The following SEMA5B variants were observed in gnomAD, a reference collection of about 807,000 sequenced individuals.
SEMA5B encodes semaphorin 5B.
A neutral mutation model predicts 135.0 loss-of-function variants in SEMA5B; 66 were observed. The observed-to-expected ratio is 0.49, with a 90% CI of 0.40 to 0.60. SEMA5B has a LOEUF of 0.60. Among genes scored for constraint, SEMA5B ranks in the 20% least tolerant of loss-of-function variants. The pLI is 0.00. For synonymous variants in SEMA5B, 690 were observed against 639.5 expected, an observed-to-expected ratio of 1.08 and a Z score of -1.19; for missense variants, 1,501 against 1,566.3, an observed-to-expected ratio of 0.96 and a Z score of 0.70.
At chr3:122,960,988 C>A in intron 2 of SEMA5B, 152 bp downstream of exon 2, 1 of 788,560 alleles carries the variant, frequency 1.3e-6, no homozygotes, top group Non-Finnish European at 1.9e-6. Flanking sequence ...TATATGTTAC[C>A]ACAATTTTTA....
chr3:122,976,468 C>A (rs1941324034), intron 1 of SEMA5B, among the ~76,000 whole-genome samples: 1 of 152,178 alleles, frequency 6.6e-6, no homozygotes, highest in Non-Finnish European at 1.5e-5. Flanking sequence ...GCTGGTTGGG[C>A]CTCACCTGCA....
chr3:122,971,822 C>T (rs983228678), intron 1 of SEMA5B, among the ~76,000 whole-genome samples: 5 of 152,228 alleles, frequency 3.3e-5, no homozygotes, highest in African/African-American at 1.2e-4. Context: ...CACTCCTGAA[C>T]TCGTCAATAG....
intron 1 of SEMA5B, among the ~76,000 whole-genome samples, chr3:122,985,497 T>TAAA (rs201770626): frequency 3.5e-5 from 5 of 142,320 alleles, no homozygotes; most frequent in Non-Finnish European, 7.7e-5. Flanking sequence ...CAGTGTCTCT[T>TAAA]AAAAAAAAAA....
At chr3:122,993,671 CAG>C in intron 1 of SEMA5B, among the ~76,000 whole-genome samples, 1 of 152,172 alleles carries the variant, frequency 6.6e-6, no homozygotes, top group South Asian at 2.1e-4. Context: ...GGTTTGGAGA[CAG>C]GGGGATGGGC....
At chr3:122,950,797 T>C (rs1940012199) in intron 2 of SEMA5B, among the ~76,000 whole-genome samples, 1 of 152,250 alleles carries the variant, frequency 6.6e-6, no homozygotes, top group South Asian at 2.1e-4. Context: ...TTGTTCATTG[T>C]GCCATCCTTT....
At chr3:122,972,980 C>A (rs1199993864) in intron 1 of SEMA5B, among the ~76,000 whole-genome samples, 1 of 152,196 alleles carries the variant, frequency 6.6e-6, no homozygotes, top group Non-Finnish European at 1.5e-5. Context: ...AGGTCCCCAG[C>A]CACTGGGAGC....
chr3:122,981,371 G>A (rs952730962), intron 1 of SEMA5B, among the ~76,000 whole-genome samples: 4 of 152,244 alleles, frequency 2.6e-5, no homozygotes, highest in African/African-American at 4.8e-5. Context: ...GCTGCTCCAT[G>A]TTCCACAAGG....
At chr3:122,943,400 T>C (rs772689968) in intron 4 of SEMA5B, 36 bp downstream of exon 4, 3 of 1,447,644 alleles carry the variant, frequency 2.1e-6, no homozygotes, top group Non-Finnish European at 2.9e-6. Context: ...TCCAAGCCCC[T>C]GCACTTCCCA....
chr3:123,010,162 G>A (rs1318318911), intron 1 of SEMA5B, among the ~76,000 whole-genome samples: 1 of 152,166 alleles, frequency 6.6e-6, no homozygotes. Flanking sequence ...GAACCCCAGG[G>A]CTCAGGGCCA....
intron 5 of SEMA5B, among the ~76,000 whole-genome samples, chr3:122,933,292 C>A (rs1686817576): frequency 6.6e-6 from 1 of 152,066 alleles, no homozygotes; most frequent in African/African-American, 2.4e-5. Flanking sequence ...TTTTCAAATT[C>A]TTGCATGTCT....
chr3:122,985,641 C>T (rs1027812495), intron 1 of SEMA5B, among the ~76,000 whole-genome samples: 2 of 152,138 alleles, frequency 1.3e-5, no homozygotes, highest in Admixed American at 1.3e-4. Context: ...GATAGATCTA[C>T]CCCCAGAAAG....
chr3:122,932,249 T>TC (rs2107667832), intron 5 of SEMA5B, among the ~76,000 whole-genome samples: 2 of 81,962 alleles, frequency 2.4e-5, no homozygotes, highest in East Asian at 5.3e-4. Context: ...TATGATTTTT[T>TC]TTTTTTTTTT....
At position 122,910,091 on chromosome 3, in the gene SEMA5B, T is replaced by A; in HGVS notation, c.*52A>T. 6.3e-7 allele frequency: 1 copy of A among 1,589,456 alleles called. No individual in the cohort carries two copies. The highest frequency in any genetic ancestry group is 8.6e-7 in the Non-Finnish European group (1 of 1,167,544). On this transcript the variant is annotated 3_prime_UTR_variant, in exon 23 of 23. Coordinates refer to ENST00000357599, the MANE Select transcript of SEMA5B (RefSeq NM_001031702.4). Reference sequence around the variant, plus strand: ...AACTGGCTCCACTGTCCCATCTCCATCTGCTCTGTGCCTTATGAAGGCAAG... The same window carrying A: ...AACTGGCTCCACTGTCCCATCTCCAACTGCTCTGTGCCTTATGAAGGCAAG...
At chr3:122,970,938 G>A (rs971145058) in intron 1 of SEMA5B, among the ~76,000 whole-genome samples, 1 of 152,242 alleles carries the variant, frequency 6.6e-6, no homozygotes, top group Non-Finnish European at 1.5e-5. Flanking sequence ...ACCCTTCTAA[G>A]TTTGTCCATC....
chr3:122,933,508 C>G (rs1332555283), intron 5 of SEMA5B, among the ~76,000 whole-genome samples: 1 of 152,114 alleles, frequency 6.6e-6, no homozygotes, highest in Non-Finnish European at 1.5e-5. Context: ...ATAACAGTGT[C>G]CTGAATTTCA....
rs559624064 is a variant in SEMA5B, at chr3:123,017,178, G to A, written c.-39+10286C>T. Among the ~76,000 whole-genome samples the A allele has an allele frequency of 6.6e-5, 10 of 152,048 alleles. No homozygotes were observed. In the East Asian group the frequency reaches 1.2e-3, roughly 18 times the overall value. ...GCTGGGATTACAGGCATGAGCCCCC[G>A]CGCCTGGCCCAGATGCATTTTTTAA... On this transcript the variant is annotated intron_variant, in intron 1 of 22. Transcript: ENST00000357599.
chr3:122,909,446 C>G lies in SEMA5B; in HGVS notation c.*697G>C, dbSNP rs770923751. 3 of 152,788 alleles carry G rather than the reference C, an allele frequency of 2.0e-5. No individual in the cohort carries two copies. The highest frequency in any genetic ancestry group is 2.9e-5 in the Non-Finnish European group (2 of 68,154). 9.5% of individuals were successfully genotyped at this position (152,788 alleles called of 1,614,324 possible). A position where few individuals can be genotyped will look rare whatever the true frequency, so the allele number is the denominator to read the frequency against. On this transcript the variant is annotated 3_prime_UTR_variant, in exon 23 of 23. Coordinates refer to ENST00000357599, the MANE Select transcript of SEMA5B (RefSeq NM_001031702.4). Reference sequence around the variant, plus strand: ...GCATTGATCCTCTCTCCTGGGCCACCTTTCGTGCATTGAGGGCAAGGCTGA... The same window carrying G: ...GCATTGATCCTCTCTCCTGGGCCACGTTTCGTGCATTGAGGGCAAGGCTGA...
chr3:122,961,617 C>A (rs946294574), intron 1 of SEMA5B, among the ~76,000 whole-genome samples: 1 of 151,988 alleles, frequency 6.6e-6, no homozygotes, highest in African/African-American at 2.4e-5. Context: ...CACCACCATA[C>A]CTGGCTAATT....
chr3:122,985,950 A>G (rs1354646837), intron 1 of SEMA5B, among the ~76,000 whole-genome samples: 1 of 152,250 alleles, frequency 6.6e-6, no homozygotes, highest in East Asian at 1.9e-4. Flanking sequence ...GGAAGATGAT[A>G]AAAATGAAGT....
Sources: gnomAD v4.1 joint callset for allele counts (sites outside exome capture counted in the v4.1 genomes callset) on GRCh38, gnomAD v4.1.1 for gene constraint, MANE v1.5 for transcripts, NCBI Gene and HGNC (gene_info 2026-07-23, HGNC 2026-07-21) for gene names.